The following DHX38 variants were observed in gnomAD, a reference collection of about 807,000 sequenced individuals.
The protein encoded by DHX38 is pre-mRNA-splicing factor ATP-dependent RNA helicase PRP16.
DHX38 carries 100 observed loss-of-function variants against 153.1 expected under a neutral mutation model. The observed-to-expected ratio is 0.65, with a 90% CI of 0.56 to 0.77. The LOEUF is 0.77. Among genes scored for constraint, DHX38 ranks in the 30% least tolerant of loss-of-function variants. The pLI is 0.00. For missense variants in DHX38, 1,440 were observed against 1,654.0 expected (o/e 0.87, Z 2.24); for synonymous variants, 650 against 631.7 (o/e 1.03, Z -0.43).
At position 72,103,594 on chromosome 16, in the gene DHX38, C is replaced by G. The variant is rs2042129578; in HGVS notation, c.1638-8C>G. On this transcript the variant is annotated splice_polypyrimidine_tract_variant and splice_region_variant and intron_variant, in intron 12 of 26. Transcript: ENST00000268482. ...GCTGATAAGCCCTTTGCCTGCTTGT[C>G]CTTGTAGAGACAACAGCATCGTGAT... The G allele has an allele frequency of 6.2e-7, 1 of 1,601,754 alleles. No homozygotes were observed. Among genetic ancestry groups the G allele is most frequent in the African/African-American group, 1.3e-5 (1 of 74,838 alleles).
In DHX38 at chr16:72,104,107, C is replaced by T. The variant is rs370417605; in HGVS notation, c.1986C>T (p.Asp662=). ...CCCACGAGCGCTCCCTCAACACTGA[C>T]GTGCTCTTTGGGCTGCTCCGGGAGG... ...DEAHERSLNT[D]VLFGLLREVV... is the part of the protein sequence containing the mutation. Residue 662 remains aspartate (D), a synonymous_variant, in exon 14 of 27, where the codon GAC becomes GAT. Coordinates refer to ENST00000268482, the MANE Select transcript of DHX38 (RefSeq NM_014003.4). The surrounding 1 kb of genome is among the most constrained non-coding windows in gnomAD (Gnocchi z 4.5). 2.6e-5 allele frequency: 42 copies of T among 1,614,016 alleles called. No homozygotes were observed. Among genetic ancestry groups the T allele is most frequent in the Admixed American group, 3.3e-5 (2 of 60,008 alleles).
rs139547116 is a variant in DHX38 at position 72,096,873 on chromosome 16, C to T, written c.375C>T (p.Ser125=). Residue 125 remains serine, a synonymous_variant, in exon 3 of 27, where the codon AGC becomes AGT. Coordinates refer to ENST00000268482, the MANE Select transcript of DHX38 (RefSeq NM_014003.4). ...CTCCATCCCATCCGGGTGGTGTGAG[C>T]GAAGAGTTTTGGGAACGCAGTCGGC... is the stretch of plus-strand genomic sequence containing the variant. The part of the protein sequence containing the change: ...VETPSHPGGV[S]EEFWERSRQR... The T allele has an allele frequency of 1.2e-4, 199 of 1,613,794 alleles. 1 individual carries two copies. In the East Asian group the frequency reaches 1.6e-3, roughly 13 times the overall value.
chr16:72,107,603 C>G lies in DHX38; in HGVS notation c.2810-42C>G. On this transcript the variant is annotated intron_variant, in intron 20 of 26. Coordinates refer to ENST00000268482, the MANE Select transcript of DHX38 (RefSeq NM_014003.4). This position sits in a 1 kb window ranked among gnomAD's most constrained non-coding sequence, Gnocchi z 5.3. ...CTGGCGCTTGACTTCCTTCTTTCCTCTACTGTCCCGTCAAATATCCGGGTT... is the reference window on the plus strand; with the variant it reads ...CTGGCGCTTGACTTCCTTCTTTCCTGTACTGTCCCGTCAAATATCCGGGTT... The G allele has an allele frequency of 5.0e-6, 8 of 1,611,028 alleles. No homozygotes were observed. Among genetic ancestry groups the G allele is most frequent in the South Asian group, 1.1e-5 (1 of 91,028 alleles).
chr16:72,107,343 C>G lies in DHX38; in HGVS notation c.2604C>G (p.Leu868=), dbSNP rs2042192350. The G allele has an allele frequency of 6.2e-7, 1 of 1,607,680 alleles. No individual in the cohort carries two copies. Among genetic ancestry groups the G allele is most frequent in the Non-Finnish European group, 8.5e-7 (1 of 1,179,520 alleles). ...GATGGGGTCTTCTCCCCGGCAGGCTCTACACCCAGAGCGCCTACAAGAATG... is the reference window on the plus strand; with the variant it reads ...GATGGGGTCTTCTCCCCGGCAGGCTGTACACCCAGAGCGCCTACAAGAATG... ...GRTGPGQCFR[L]YTQSAYKNEL... The change falls in exon 20 of 27, where the codon CTC becomes CTG. Residue 868 remains leucine, a synonymous_variant. Coordinates refer to ENST00000268482, the MANE Select transcript of DHX38 (RefSeq NM_014003.4). The surrounding 1 kb of genome is among the most constrained non-coding windows in gnomAD (Gnocchi z 5.3).
intron 10 of DHX38, 35 bp downstream of exon 10, chr16:72,101,228 G>C: frequency 6.2e-7 from 1 of 1,610,914 alleles, no homozygotes; most frequent in Non-Finnish European, 8.5e-7. Context: ...GGAAGTTTAT[G>C]TGTATTTTTT....
intron 3 of DHX38, 148 bp from the exon 4 acceptor site, chr16:72,097,529 T>C (rs2042037835): frequency 1.1e-5 from 7 of 656,466 alleles, no homozygotes; most frequent in Non-Finnish European, 1.6e-5. Flanking sequence ...AGAATGGGGA[T>C]AGGTGAGTTT....
In DHX38 at chr16:72,107,237, G is replaced by T; in HGVS notation, c.2601-103G>T. ...TCAGTGATTCACTGAAGTAGTGGGT[G>T]GGGAGAAGAAATGAGAATTTCCTCC... On this transcript the variant is annotated intron_variant, in intron 19 of 26. Coordinates refer to ENST00000268482, the MANE Select transcript of DHX38 (RefSeq NM_014003.4). This position sits in a 1 kb window ranked among gnomAD's most constrained non-coding sequence, Gnocchi z 5.3. The T allele has an allele frequency of 8.2e-7, 1 of 1,220,800 alleles. No individual in the cohort carries two copies. The highest frequency in any genetic ancestry group is 1.5e-5 in the South Asian group (1 of 68,450). 75.6% of individuals were successfully genotyped at this position (1,220,800 alleles called of 1,614,324 possible). A position where few individuals can be genotyped will look rare whatever the true frequency, so the allele number is the denominator to read the frequency against.
chr16:72,101,547 A>G lies in DHX38; in HGVS notation c.1434A>G (p.Ile478Met). 1 of 1,552,086 alleles carries G rather than the reference A, an allele frequency of 6.4e-7. No individual in the cohort carries two copies. Among genetic ancestry groups the G allele is most frequent in the Non-Finnish European group, 8.7e-7 (1 of 1,147,216 alleles). ...WELAGTKLGD[I>M]MGVKKEEEPD... ...TGGCGGGGACCAAACTGGGAGATATAATGGGCGTCAAGAAGGAGGAAGAGC... is the reference window on the plus strand; with the variant it reads ...TGGCGGGGACCAAACTGGGAGATATGATGGGCGTCAAGAAGGAGGAAGAGC... Residue 478 changes from isoleucine to methionine, a missense_variant, in exon 11 of 27, where the codon ATA becomes ATG. Physicochemically the swap from Ile to Met is conservative, Grantham distance 10. Transcript: ENST00000268482.
chr16:72,097,646 A>C, intron 3 of DHX38, 31 bp from the exon 4 acceptor site: 1 of 1,605,000 alleles, frequency 6.2e-7, no homozygotes, highest in East Asian at 2.2e-5. Context: ...GATGGGATGC[A>C]TGTTTTTAAG....
At chr16:72,094,821 C>A (rs1367223582) in intron 1 of DHX38, among the ~76,000 whole-genome samples, 5 of 152,240 alleles carry the variant, frequency 3.3e-5, no homozygotes, top group Non-Finnish European at 7.3e-5. Context: ...CAGCAGTCAA[C>A]AACACATCCA....
chr16:72,102,966 C>A, intron 11 of DHX38, 108 bp from the exon 12 acceptor site: 1 of 1,486,320 alleles, frequency 6.7e-7, no homozygotes, highest in Non-Finnish European at 9.1e-7. Context: ...GTGTCTCAGA[C>A]TCTTGCCGAA....
intron 4 of DHX38, among the ~76,000 whole-genome samples, chr16:72,097,987 G>A (rs751955433): frequency 2.4e-4 from 36 of 152,208 alleles, no homozygotes; most frequent in Non-Finnish European, 4.4e-4. Flanking sequence ...AGGCTGGTTT[G>A]CTGAATGGCC....
At chr16:72,100,286 C>A in intron 8 of DHX38, 150 bp from the exon 9 acceptor site, 1 of 1,080,240 alleles carries the variant, frequency 9.3e-7, no homozygotes, top group Non-Finnish European at 1.3e-6. Context: ...AGCACCTCTT[C>A]TGTCTTTGGA....
At chr16:72,096,735 C>A in intron 2 of DHX38, 87 bp from the exon 3 acceptor site, 5 of 1,516,602 alleles carry the variant, frequency 3.3e-6, no homozygotes, top group Non-Finnish European at 4.4e-6. Context: ...TGGAAAAGGA[C>A]AGATCACTTG....
At position 72,097,793 on chromosome 16, in the gene DHX38, G is replaced by C. The variant is rs977001844; in HGVS notation, c.616+12G>C. Reference sequence around the variant, plus strand: ...ACATCGACCTAAAGGTAGACTCACTGTTTTGGTGGCTTGTGAGGATTCAAG... The same window carrying C: ...ACATCGACCTAAAGGTAGACTCACTCTTTTGGTGGCTTGTGAGGATTCAAG... On this transcript the variant is annotated intron_variant, in intron 4 of 26. Transcript: ENST00000268482. 2.5e-6 allele frequency: 4 copies of C among 1,609,960 alleles called. No individual in the cohort carries two copies. Among genetic ancestry groups the C allele is most frequent in the Non-Finnish European group, 2.5e-6 (3 of 1,177,736 alleles).
chr16:72,112,296 G>A, intron 26 of DHX38, 117 bp from the exon 27 acceptor site: 1 of 980,808 alleles, frequency 1.0e-6, no homozygotes. Flanking sequence ...AGATCCCTCG[G>A]CCCAGAGCTC....
chr16:72,105,467 T>C (rs1359366094), intron 17 of DHX38, 50 bp from the exon 18 acceptor site: 2 of 1,610,120 alleles, frequency 1.2e-6, no homozygotes, highest in Non-Finnish European at 1.7e-6. Flanking sequence ...TCGCGGAGCC[T>C]TTCCTGTCTC....
In DHX38 at chr16:72,097,659, T is replaced by A; in HGVS notation, c.512-18T>A. ...AGGATGGGATGCATGTTTTTAAGCT[T>A]CGTGTGACTCTTCATAGATGAGCGG... On this transcript the variant is annotated intron_variant, in intron 3 of 26. Transcript: ENST00000268482. 1 of 1,611,840 alleles carries A rather than the reference T, an allele frequency of 6.2e-7. No homozygotes were observed. Among genetic ancestry groups the A allele is most frequent in the Non-Finnish European group, 8.5e-7 (1 of 1,178,646 alleles).
At position 72,110,837 on chromosome 16, in the gene DHX38, T is replaced by G. The variant is rs980137960; in HGVS notation, c.3478-119T>G. 43 of 1,366,792 alleles carry G rather than the reference T, an allele frequency of 3.1e-5. 1 individual carries two copies. The highest frequency in any genetic ancestry group is 2.6e-5 in the East Asian group (1 of 39,208). 84.7% of individuals were successfully genotyped at this position (1,366,792 alleles called of 1,614,324 possible). On this transcript the variant is annotated intron_variant, in intron 25 of 26. Transcript: ENST00000268482. ...GCTTTGGTACTGGGGCAGGCAGCCA[T>G]GTGGAGCACTGGCCTGGTGGATGCA...
Sources: gnomAD v4.1 joint callset for allele counts (sites outside exome capture counted in the v4.1 genomes callset) on GRCh38, gnomAD v4.1.1 for gene constraint, Gnocchi (gnomAD v3.1) non-coding constraint, MANE v1.5 for transcripts, NCBI Gene and HGNC (gene_info 2026-07-23, HGNC 2026-07-21) for gene names.